The following METTL15 variants were observed in gnomAD, a reference collection of about 807,000 sequenced individuals.
METTL15 encodes 12S rRNA N(4)-cytidine methyltransferase METTL15.
Under a neutral mutation model 38.3 loss-of-function variants are expected in METTL15, and 34 were observed. The ratio of observed to expected loss-of-function variants is 0.89; its 90% confidence interval spans 0.68 to 1.18. The LOEUF is 1.18. METTL15 is among the 50% of genes most tolerant of loss of function. METTL15 has a pLI of 0.00. For synonymous variants in METTL15, 162 were observed against 170.9 expected (o/e 0.95, Z 0.41); for missense variants, 438 against 498.4 (o/e 0.88, Z 1.15).
chr11:28,178,451 G>A (rs1025963372), intron 3 of METTL15, among the ~76,000 whole-genome samples: 1 of 151,786 alleles, frequency 6.6e-6, no homozygotes, highest in Non-Finnish European at 1.5e-5. Context: ...TATTTGAGGT[G>A]CACCAAAGGT....
At chr11:28,147,055 G>T (rs145275569) in intron 3 of METTL15, among the ~76,000 whole-genome samples, 9 of 151,922 alleles carry the variant, frequency 5.9e-5, no homozygotes, top group African/African-American at 2.2e-4. Context: ...AGTATGTTCT[G>T]GCAAAATGAT....
At chr11:28,294,677 A>G (rs927825933) in intron 5 of METTL15, among the ~76,000 whole-genome samples, 2 of 152,110 alleles carry the variant, frequency 1.3e-5, no homozygotes, top group Admixed American at 6.6e-5. Context: ...GATCAAATCT[A>G]TTAGTTGGGG....
chr11:28,376,494 C>CT (rs914613567), intron 5 of METTL15, among the ~76,000 whole-genome samples: 1 of 151,924 alleles, frequency 6.6e-6, no homozygotes, highest in Non-Finnish European at 1.5e-5. Context: ...CAACCCCTGC[C>CT]TTTTTTTGTT....
chr11:28,195,209 C>A (rs1465966289), intron 3 of METTL15, among the ~76,000 whole-genome samples: 2 of 151,914 alleles, frequency 1.3e-5, no homozygotes, highest in Admixed American at 1.3e-4. Context: ...ACAATGATTT[C>A]TTTTCTTTTA....
intron 6 of METTL15, chr11:28,328,000 T>G: frequency 1.5e-6 from 2 of 1,305,760 alleles, no homozygotes; most frequent in Non-Finnish European, 2.1e-6. Context: ...AAAAAAATTA[T>G]AGCAAAAATA....
chr11:28,174,814 C>CAA lies in METTL15; in HGVS notation c.271-36233_271-36232dup, dbSNP rs66770075. 1.0e-3 allele frequency among the ~76,000 whole-genome samples: 93 copies of CAA among 91,148 alleles called. 1 individual carries two copies. The highest frequency in any genetic ancestry group is 6.1e-3 in the South Asian group (16 of 2,634). The allele number at this position is 91,148 out of a possible 152,430, so 59.8% of individuals were successfully genotyped here. A position where few individuals can be genotyped will look rare whatever the true frequency, so the allele number is the denominator to read the frequency against. ...TGGGTGACAGAGCGAGATTCTGTCT[C>CAA]AAAAAAAAAAAAAAAACATAAAAAA... On this transcript the variant is annotated intron_variant, in intron 3 of 6. Transcript: ENST00000407364.
At chr11:28,484,343 A>T (rs1352075583) in intron 6 of METTL15, among the ~76,000 whole-genome samples, 1 of 152,210 alleles carries the variant, frequency 6.6e-6, no homozygotes, top group African/African-American at 2.4e-5. Flanking sequence ...GTCTGGTTTC[A>T]GAGCCAACTC....
intron 4 of METTL15, among the ~76,000 whole-genome samples, chr11:28,248,121 C>T (rs1178815829): frequency 6.6e-6 from 1 of 152,046 alleles, no homozygotes; most frequent in Non-Finnish European, 1.5e-5. Context: ...TCATACTTTT[C>T]AGGATGAAAT....
chr11:28,461,882 A>G (rs552863351), intron 6 of METTL15, among the ~76,000 whole-genome samples: 131 of 152,198 alleles, frequency 8.6e-4, no homozygotes, highest in African/African-American at 3.0e-3. Flanking sequence ...TTTAAAAGAC[A>G]TACAGGATTG....
chr11:28,232,988 T>A (rs1853752945), intron 4 of METTL15, among the ~76,000 whole-genome samples: 1 of 152,186 alleles, frequency 6.6e-6, no homozygotes, highest in African/African-American at 2.4e-5. Flanking sequence ...GCTTGGAATT[T>A]CAAAAAGTTA....
At chr11:28,399,276 T>TAA (rs1276884352) in intron 5 of METTL15, among the ~76,000 whole-genome samples, 1 of 151,982 alleles carries the variant, frequency 6.6e-6, no homozygotes. Context: ...ACCCCTTCCT[T>TAA]ACACCTTACA....
At chr11:28,439,973 T>C (rs1851020147) in intron 6 of METTL15, among the ~76,000 whole-genome samples, 1 of 152,138 alleles carries the variant, frequency 6.6e-6, no homozygotes, top group Non-Finnish European at 1.5e-5. Flanking sequence ...TCCTAGGGCT[T>C]TTTATTTGTC....
intron 6 of METTL15, among the ~76,000 whole-genome samples, chr11:28,316,411 A>G (rs1857482953): frequency 6.6e-6 from 1 of 152,204 alleles, no homozygotes; most frequent in Admixed American, 6.5e-5. Context: ...CCTATTGCCT[A>G]TACTCCCATT....
intron 6 of METTL15, among the ~76,000 whole-genome samples, chr11:28,308,899 GA>G (rs1390408808): frequency 4.0e-5 from 6 of 151,134 alleles, no homozygotes; most frequent in East Asian, 4.0e-4. Flanking sequence ...TAGGTAGATA[GA>G]TAGATAGATA....
chr11:28,354,438 A>G (rs1850072665), intron 4 of METTL15, among the ~76,000 whole-genome samples: 1 of 152,224 alleles, frequency 6.6e-6, no homozygotes. Context: ...ATACTAAGAC[A>G]GAGAGGAACC....
chr11:28,235,332 A>G (rs932701442), intron 4 of METTL15, among the ~76,000 whole-genome samples: 8 of 151,926 alleles, frequency 5.3e-5, no homozygotes, highest in African/African-American at 7.3e-5. Context: ...GTTTTTTCCA[A>G]TTCTGTGAAG....
chr11:28,524,775 AAGG>A (rs1851795306), intron 6 of METTL15, among the ~76,000 whole-genome samples: 1 of 152,206 alleles, frequency 6.6e-6, no homozygotes, highest in Admixed American at 6.5e-5. Flanking sequence ...GGATTTAGGT[AAGG>A]AGAAGAACAT....
intron 3 of METTL15, chr11:28,134,587 T>C: frequency 2.5e-6 from 1 of 398,532 alleles, no homozygotes; most frequent in Non-Finnish European, 4.4e-6. Flanking sequence ...CTCTCTTAAC[T>C]GCTTCCTGCT....
intron 6 of METTL15, among the ~76,000 whole-genome samples, chr11:28,439,031 A>G (rs925979703): frequency 1.3e-5 from 2 of 151,856 alleles, no homozygotes; most frequent in Non-Finnish European, 2.9e-5. Flanking sequence ...TGCAAAAAAA[A>G]AAAGTGCTGT....
Sources: allele counts gnomAD v4.1 joint callset (sites outside exome capture counted in the v4.1 genomes callset), GRCh38; gene constraint gnomAD v4.1.1; transcripts MANE v1.5; gene names NCBI Gene and HGNC (gene_info 2026-07-23, HGNC 2026-07-21).